TNNI3K: variants seen among roughly 807,000 people sequenced by gnomAD.
TNNI3K encodes the protein TNNI3 interacting kinase.
Under a neutral mutation model 114.5 loss-of-function variants are expected in TNNI3K, and 140 were observed. The ratio of observed to expected loss-of-function variants is 1.22; its 90% CI spans 1.07 to 1.41. The LOEUF is 1.41. Among genes scored for constraint, TNNI3K ranks in the 40% most tolerant of loss-of-function variants. TNNI3K has a pLI of 0.00. For synonymous variants in TNNI3K, 347 were observed against 347.5 expected, an observed-to-expected ratio of 1.00 and a Z score of 0.02; for missense variants, 1,125 against 1,007.6, an observed-to-expected ratio of 1.12 and a Z score of -1.58.
chr1:74,470,951 G>A, intron 21 of TNNI3K: 1 of 400,656 alleles, frequency 2.5e-6, no homozygotes, highest in Middle Eastern at 3.1e-4. Flanking sequence ...CTGGAATGTT[G>A]GAATGGTAAA....
chr1:74,451,546 C>T (rs1570638460), intron 20 of TNNI3K, among the ~76,000 whole-genome samples: 1 of 151,738 alleles, frequency 6.6e-6, no homozygotes, highest in Admixed American at 6.6e-5. Flanking sequence ...TTTGGGATTT[C>T]TACATAAATA....
chr1:74,363,479 G>T (rs1285655876), intron 11 of TNNI3K, among the ~76,000 whole-genome samples: 2 of 152,048 alleles, frequency 1.3e-5, no homozygotes, highest in Non-Finnish European at 2.9e-5. Flanking sequence ...TTGTGCCACT[G>T]TGCTGGCAGG....
At chr1:74,284,967 T>A (rs1047656345) in intron 5 of TNNI3K, among the ~76,000 whole-genome samples, 1 of 152,250 alleles carries the variant, frequency 6.6e-6, no homozygotes, top group Admixed American at 6.5e-5. Flanking sequence ...ATTGAGCTAT[T>A]CAGGAGACTT....
chr1:74,470,631 T>A lies in TNNI3K; in HGVS notation c.2121+7081T>A, dbSNP rs546580011. ...AATCATAAGTTTCTGTTTTTGAAAG[T>A]TTTTTTTCTACATCATTTTCTTCCT... On this transcript the variant is annotated intron_variant, in intron 21 of 24. Transcript: ENST00000326637. The A allele has an allele frequency of 3.0e-5, 12 of 400,582 alleles. No individual in the cohort carries two copies. The South Asian group carries it at 8.8e-4, about 29-fold the overall frequency. 24.8% of individuals were successfully genotyped at this position (400,582 alleles called of 1,614,324 possible).
intron 4 of TNNI3K, among the ~76,000 whole-genome samples, chr1:74,259,349 C>G (rs1314392877): frequency 3.9e-5 from 6 of 152,206 alleles, no homozygotes; most frequent in African/African-American, 1.2e-4. Flanking sequence ...TCAGTGATGT[C>G]TGAGGGCAGA....
chr1:74,475,156 A>C, intron 21 of TNNI3K: 1 of 557,498 alleles, frequency 1.8e-6, no homozygotes, highest in Non-Finnish European at 3.2e-6. Flanking sequence ...ACACACACAC[A>C]CAGTATTTTT....
chr1:74,361,739 G>A (rs2100500647), intron 11 of TNNI3K, among the ~76,000 whole-genome samples: 1 of 152,228 alleles, frequency 6.6e-6, no homozygotes, highest in South Asian at 2.1e-4. Flanking sequence ...GAGTAATCAT[G>A]GAAGGGGAAG....
intron 21 of TNNI3K, chr1:74,483,388 T>G: frequency 1.4e-6 from 1 of 716,758 alleles, no homozygotes; most frequent in Non-Finnish European, 2.6e-6. Flanking sequence ...GAAAGGAAAG[T>G]AGAGGGCAAT....
At chr1:74,323,909 G>A (rs1389290390) in intron 5 of TNNI3K, among the ~76,000 whole-genome samples, 2 of 152,132 alleles carry the variant, frequency 1.3e-5, no homozygotes, top group Non-Finnish European at 1.5e-5. Context: ...CCATTTCTAT[G>A]GAGGAATAAT....
chr1:74,253,521 G>C (rs562075585), intron 4 of TNNI3K, among the ~76,000 whole-genome samples: 6 of 152,172 alleles, frequency 3.9e-5, no homozygotes, highest in Non-Finnish European at 7.4e-5. Context: ...GAGAAATGGA[G>C]CACAGCGCCA....
intron 21 of TNNI3K, chr1:74,480,055 C>T: frequency 1.6e-6 from 1 of 620,996 alleles, no homozygotes; most frequent in Non-Finnish European, 2.9e-6. Flanking sequence ...TTTCCATAGC[C>T]CTGGCAACCA....
intron 23 of TNNI3K, among the ~76,000 whole-genome samples, chr1:74,515,933 G>A (rs535281902): frequency 6.6e-6 from 1 of 152,130 alleles, no homozygotes. Flanking sequence ...TGCCTTCAAG[G>A]TTCTGATGTC....
chr1:74,501,466 T>G (rs1451526307), intron 23 of TNNI3K, among the ~76,000 whole-genome samples: 1 of 136,138 alleles, frequency 7.3e-6, no homozygotes, highest in Non-Finnish European at 1.6e-5. Context: ...GAGGGTTTTT[T>G]TTGTTTTGTG....
At chr1:74,409,371 T>A (rs1001692089) in intron 17 of TNNI3K, among the ~76,000 whole-genome samples, 1 of 152,226 alleles carries the variant, frequency 6.6e-6, no homozygotes, top group African/African-American at 2.4e-5. Flanking sequence ...TACCTTTTTT[T>A]GAGGTTATGT....
In TNNI3K at chr1:74,257,661, C is replaced by CCTTTTT. The variant is rs763279460; in HGVS notation, c.333+6892_333+6893insCTTTTT. Among the ~76,000 whole-genome samples the CCTTTTT allele has an allele frequency of 2.2e-4, 17 of 78,586 alleles. 1 individual carries two copies. Among genetic ancestry groups the CCTTTTT allele is most frequent in the Non-Finnish European group, 3.7e-4 (12 of 32,526 alleles). 51.6% of individuals were successfully genotyped at this position (78,586 alleles called of 152,430 possible). ...GTTTGAACTTAGCCTCTTGGCTTAC[C>CCTTTTT]TCTTTTTTTTTTTTTTTTTTTTTTT... On this transcript the variant is annotated intron_variant, in intron 4 of 24. Transcript: ENST00000326637.
chr1:74,238,131 G>A (rs1653973045), intron 2 of TNNI3K, among the ~76,000 whole-genome samples: 1 of 151,978 alleles, frequency 6.6e-6, no homozygotes, highest in South Asian at 2.1e-4. Flanking sequence ...GAATGAATGA[G>A]TACCATAGAA....
At chr1:74,497,581 CAT>C (rs1412375431) in intron 23 of TNNI3K, among the ~76,000 whole-genome samples, 8 of 150,254 alleles carry the variant, frequency 5.3e-5, no homozygotes, top group East Asian at 3.9e-4. Flanking sequence ...CACACACACA[CAT>C]ACACATGCAC....
chr1:74,378,026 G>T (rs989363338), intron 17 of TNNI3K, among the ~76,000 whole-genome samples: 1 of 152,016 alleles, frequency 6.6e-6, no homozygotes, highest in African/African-American at 2.4e-5. Flanking sequence ...TCTACAGAGG[G>T]TGAGTTCAGG....
At chr1:74,386,025 G>T (rs1193058863) in intron 17 of TNNI3K, among the ~76,000 whole-genome samples, 2 of 152,158 alleles carry the variant, frequency 1.3e-5, no homozygotes, top group Non-Finnish European at 1.5e-5. Context: ...CATGCTGTTC[G>T]CATGATAGTG....
Sources: allele counts gnomAD v4.1 joint callset (sites outside exome capture counted in the v4.1 genomes callset), GRCh38; gene constraint gnomAD v4.1.1; transcripts MANE v1.5; gene names NCBI Gene and HGNC (gene_info 2026-07-23, HGNC 2026-07-21).